Variants in TLL1 observed in about 807,000 individuals in gnomAD.
The protein encoded by TLL1 is tolloid-like protein 1.
A neutral mutation model predicts 128.2 loss-of-function variants in TLL1; 49 were observed. The ratio of observed to expected loss-of-function variants is 0.38; its 90% CI spans 0.30 to 0.48. The LOEUF (loss-of-function observed/expected upper bound fraction) is 0.48, where lower values mean the gene tolerates loss of function less well. Ranked by LOEUF, TLL1 falls within the 20% of genes least tolerant of loss-of-function variation. The pLI is 0.96. For missense variants in TLL1, 1,123 were observed against 1,242.0 expected, an observed-to-expected ratio of 0.90 and a Z score of 1.44; for synonymous variants, 454 against 418.8, an observed-to-expected ratio of 1.08 and a Z score of -1.03.
intron 1 of TLL1, among the ~76,000 whole-genome samples, chr4:165,975,933 G>A (rs1735856562): frequency 6.7e-6 from 1 of 149,854 alleles, no homozygotes; most frequent in African/African-American, 2.5e-5. Context: ...GGCTACTCAG[G>A]AGGCTGAGAC....
Position 166,078,178 on chromosome 4 carries a change from A to C in TLL1, c.2442+148A>C, listed in dbSNP as rs796495948. The stretch of plus-strand genomic sequence containing the variant: ...TTTTGTCTCATGCTTTCCTACTTGC[A>C]CTAAAATCCTTGACTTCCTAGATCA... On this transcript the variant is annotated intron_variant, in intron 18 of 20. Coordinates refer to ENST00000061240, the MANE Select transcript of TLL1 (RefSeq NM_012464.5). The C allele has an allele frequency of 4.7e-5, 60 of 1,270,546 alleles. No individual in the cohort carries two copies. In the African/African-American group the frequency reaches 8.6e-4, roughly 18 times the overall value. 78.7% of individuals were successfully genotyped at this position (1,270,546 alleles called of 1,614,324 possible).
chr4:166,035,215 A>C (rs1738946484), intron 9 of TLL1, among the ~76,000 whole-genome samples: 1 of 152,186 alleles, frequency 6.6e-6, no homozygotes, highest in South Asian at 2.1e-4. Flanking sequence ...TTTAAGCAGA[A>C]AAGTTATTTT....
intron 1 of TLL1, among the ~76,000 whole-genome samples, chr4:165,937,769 T>C (rs921639070): frequency 9.2e-5 from 14 of 152,082 alleles, no homozygotes; most frequent in African/African-American, 3.1e-4. Flanking sequence ...TATTGAAGGG[T>C]GTTTTACTTG....
chr4:165,997,104 T>C (rs1428184801), intron 5 of TLL1, among the ~76,000 whole-genome samples: 1 of 152,122 alleles, frequency 6.6e-6, no homozygotes, highest in East Asian at 1.9e-4. Context: ...TCTAACTTCA[T>C]TTGGAATTAC....
intron 1 of TLL1, among the ~76,000 whole-genome samples, chr4:165,947,342 G>A (rs2110933394): frequency 6.6e-6 from 1 of 152,160 alleles, no homozygotes; most frequent in East Asian, 1.9e-4. Context: ...TGGATGTTAG[G>A]GCTTCAACGT....
At chr4:166,017,486 T>C (rs1201120735) in intron 8 of TLL1, among the ~76,000 whole-genome samples, 3 of 152,168 alleles carry the variant, frequency 2.0e-5, no homozygotes, top group Admixed American at 6.6e-5. Flanking sequence ...ATTGTTGTTG[T>C]GTTTTAAGTT....
Position 165,902,483 on chromosome 4 carries a change from T to C in TLL1, c.169+28410T>C, listed in dbSNP as rs114202934. ...GAAAAGCACAGTATTTGAGCCAGAATGCACCGTTCCTCACCTCATGGTCCT... is the reference window on the plus strand; with the variant it reads ...GAAAAGCACAGTATTTGAGCCAGAACGCACCGTTCCTCACCTCATGGTCCT... On this transcript the variant is annotated intron_variant, in intron 1 of 20. Coordinates refer to ENST00000061240, the MANE Select transcript of TLL1 (RefSeq NM_012464.5). Among the ~76,000 whole-genome samples, 643 of 152,226 alleles carry C rather than the reference T, an allele frequency of 4.2e-3. 5 individuals are homozygous for C. Among genetic ancestry groups the C allele is most frequent in the African/African-American group, 0.014 (593 of 41,532 alleles).
At chr4:166,061,117 T>C (rs1053552805) in intron 15 of TLL1, among the ~76,000 whole-genome samples, 1 of 152,168 alleles carries the variant, frequency 6.6e-6, no homozygotes, top group Non-Finnish European at 1.5e-5. Flanking sequence ...AACGGAAATG[T>C]AATGTATCTG....
intron 1 of TLL1, among the ~76,000 whole-genome samples, chr4:165,931,971 C>G (rs1288086784): frequency 6.6e-6 from 1 of 152,130 alleles, no homozygotes; most frequent in African/African-American, 2.4e-5. Context: ...AGTAGAAGCC[C>G]TAGTGGGGAC....
intron 3 of TLL1, among the ~76,000 whole-genome samples, chr4:165,993,602 G>A (rs537341098): frequency 6.6e-6 from 1 of 152,166 alleles, no homozygotes; most frequent in African/African-American, 2.4e-5. Flanking sequence ...CCTATTTGTT[G>A]TGTCAAAGTA....
intron 8 of TLL1, among the ~76,000 whole-genome samples, chr4:166,017,485 G>A (rs1738003926): frequency 6.6e-6 from 1 of 152,006 alleles, no homozygotes; most frequent in Non-Finnish European, 1.5e-5. Context: ...AATTGTTGTT[G>A]TGTTTTAAGT....
chr4:165,949,698 A>C (rs1217134778), intron 1 of TLL1, among the ~76,000 whole-genome samples: 2 of 152,028 alleles, frequency 1.3e-5, no homozygotes, highest in African/African-American at 2.4e-5. Flanking sequence ...CTTCCTGTGA[A>C]ACCAATATAG....
At chr4:166,074,305 T>A (rs1296132041) in intron 16 of TLL1, among the ~76,000 whole-genome samples, 1 of 151,334 alleles carries the variant, frequency 6.6e-6, no homozygotes, top group African/African-American at 2.4e-5. Flanking sequence ...CTTGGAGTGC[T>A]ATGAAATGTC....
intron 7 of TLL1, among the ~76,000 whole-genome samples, chr4:166,011,242 T>C (rs1237384876): frequency 1.3e-5 from 2 of 151,610 alleles, no homozygotes; most frequent in Middle Eastern, 3.4e-3. Context: ...GTAGATCACT[T>C]TGGATGTATT....
At position 165,973,521 on chromosome 4, in the gene TLL1, C is replaced by T. The variant is rs1560782769; in HGVS notation, c.170-15860C>T. ...CCTGTTTCAGGTGCAATTCATTCTG[C>T]TTGGGTTATGTTGTGATTTAACCCT... On this transcript the variant is annotated intron_variant, in intron 1 of 20. Transcript: ENST00000061240. Among the ~76,000 whole-genome samples the T allele has an allele frequency of 2.6e-5, 4 of 151,874 alleles. No homozygotes were observed. The South Asian group carries it at 6.3e-4, about 24-fold the overall frequency.
At chr4:165,980,006 G>A (rs184355196) in intron 1 of TLL1, among the ~76,000 whole-genome samples, 1 of 152,196 alleles carries the variant, frequency 6.6e-6, no homozygotes, top group Admixed American at 6.5e-5. Context: ...GAAAACCAGG[G>A]TAAAACGACA....
At chr4:166,001,521 G>T (rs1183329992) in intron 5 of TLL1, among the ~76,000 whole-genome samples, 3 of 151,944 alleles carry the variant, frequency 2.0e-5, no homozygotes, top group African/African-American at 4.8e-5. Flanking sequence ...CATTGAGGCT[G>T]GCCACAATGG....
intron 18 of TLL1, among the ~76,000 whole-genome samples, chr4:166,082,778 A>G (rs930769818): frequency 6.6e-6 from 1 of 152,070 alleles, no homozygotes; most frequent in South Asian, 2.1e-4. Flanking sequence ...CCCAGATTCA[A>G]GCAATTCTCC....
At chr4:165,887,808 A>G (rs1731230291) in intron 1 of TLL1, among the ~76,000 whole-genome samples, 1 of 152,100 alleles carries the variant, frequency 6.6e-6, no homozygotes, top group East Asian at 1.9e-4. Flanking sequence ...ATATATCTGT[A>G]TTTGTTTAGG....
Sources: gnomAD v4.1 joint callset for allele counts (sites outside exome capture counted in the v4.1 genomes callset) on GRCh38, gnomAD v4.1.1 for gene constraint, MANE v1.5 for transcripts, NCBI Gene and HGNC (gene_info 2026-07-23, HGNC 2026-07-21) for gene names.